Variants in LUZP2 observed in about 807,000 individuals in gnomAD.
The protein encoded by LUZP2 is leucine zipper protein 2.
A neutral mutation model predicts 51.6 loss-of-function variants in LUZP2; 52 were observed. The ratio of observed to expected loss-of-function variants is 1.01; its 90% CI spans 0.81 to 1.27. The LOEUF is 1.27. LUZP2 is among the 50% of genes most tolerant of loss of function. The pLI is 0.00. For synonymous variants in LUZP2, 154 were observed against 137.3 expected, an observed-to-expected ratio of 1.12 and a Z score of -0.85; for missense variants, 436 against 395.4, an observed-to-expected ratio of 1.10 and a Z score of -0.87.
At chr11:24,645,577 AAAAC>A (rs1312160679) in intron 1 of LUZP2, among the ~76,000 whole-genome samples, 2 of 152,156 alleles carry the variant, frequency 1.3e-5, no homozygotes, top group African/African-American at 2.4e-5. Flanking sequence ...TTTTGGTTCT[AAAAC>A]AAACAGAGGC....
intron 7 of LUZP2, among the ~76,000 whole-genome samples, chr11:24,934,168 G>A (rs747757625): frequency 6.6e-6 from 1 of 152,178 alleles, no homozygotes; most frequent in African/African-American, 2.4e-5. Flanking sequence ...GCAGGAACTG[G>A]CTATTTTCAC....
At chr11:24,773,848 A>C (rs11822795) in intron 5 of LUZP2, among the ~76,000 whole-genome samples, 1 of 152,064 alleles carries the variant, frequency 6.6e-6, no homozygotes, top group Non-Finnish European at 1.5e-5. Flanking sequence ...TCTCCCACTA[A>C]GGACTGTTAA....
chr11:24,782,768 A>T (rs2631394), intron 5 of LUZP2, among the ~76,000 whole-genome samples: 89,193 of 151,820 alleles, frequency 0.59, 26,984 homozygotes, highest in Non-Finnish European at 0.68. Context: ...ATAGCTCATC[A>T]AAAAGGAAAT....
chr11:25,077,789 C>T (rs140465896), intron 11 of LUZP2, among the ~76,000 whole-genome samples: 5 of 152,276 alleles, frequency 3.3e-5, no homozygotes, highest in African/African-American at 7.2e-5. Context: ...AGCCACCGCG[C>T]CCGACCAGAT....
At chr11:24,540,995 G>A (rs1177966127) in intron 1 of LUZP2, among the ~76,000 whole-genome samples, 1 of 152,064 alleles carries the variant, frequency 6.6e-6, no homozygotes, top group Non-Finnish European at 1.5e-5. Flanking sequence ...GTTCACCTCT[G>A]TAATCCCAGC....
chr11:24,748,690 C>A (rs1252916773), intron 4 of LUZP2, among the ~76,000 whole-genome samples: 4 of 152,114 alleles, frequency 2.6e-5, no homozygotes, highest in South Asian at 2.1e-4. Context: ...ATCTCTTGAC[C>A]TCATGATCTG....
chr11:24,994,166 T>G (rs981608652), intron 9 of LUZP2, among the ~76,000 whole-genome samples: 14 of 151,430 alleles, frequency 9.2e-5, no homozygotes, highest in Admixed American at 9.2e-4. Flanking sequence ...GCCCTTTTTT[T>G]TTTTTTTTTT....
intron 1 of LUZP2, among the ~76,000 whole-genome samples, chr11:24,587,633 G>T (rs1415823400): frequency 6.6e-6 from 1 of 151,980 alleles, no homozygotes; most frequent in Non-Finnish European, 1.5e-5. Flanking sequence ...GAGTTATTTT[G>T]AAAACTCAAA....
At chr11:24,917,690 C>T (rs1194763494) in intron 7 of LUZP2, among the ~76,000 whole-genome samples, 2 of 151,434 alleles carry the variant, frequency 1.3e-5, no homozygotes, top group Non-Finnish European at 2.9e-5. Context: ...TTCCATTGGT[C>T]TATATCTCTG....
chr11:25,066,619 G>A (rs573757669), intron 10 of LUZP2, among the ~76,000 whole-genome samples: 7 of 151,856 alleles, frequency 4.6e-5, no homozygotes, highest in Admixed American at 6.6e-5. Flanking sequence ...TATTTGTGTG[G>A]GGGAGATATT....
At chr11:24,742,168 A>G (rs1012469536) in intron 4 of LUZP2, among the ~76,000 whole-genome samples, 1 of 150,002 alleles carries the variant, frequency 6.7e-6, no homozygotes, top group African/African-American at 2.5e-5. Flanking sequence ...ATATAAGTGT[A>G]CAAGTATCTT....
At chr11:24,684,960 G>A (rs988649303) in intron 1 of LUZP2, among the ~76,000 whole-genome samples, 7 of 152,024 alleles carry the variant, frequency 4.6e-5, no homozygotes, top group African/African-American at 1.7e-4. Context: ...GGATGCTTAT[G>A]TGTTTCTCTT....
intron 1 of LUZP2, among the ~76,000 whole-genome samples, chr11:24,602,182 A>G (rs1461384125): frequency 8.1e-6 from 1 of 122,760 alleles, no homozygotes; most frequent in African/African-American, 2.8e-5. Context: ...ATATATGTGT[A>G]TATATGTATA....
chr11:24,713,574 C>T (rs1590385851), intron 1 of LUZP2, among the ~76,000 whole-genome samples: 1 of 151,788 alleles, frequency 6.6e-6, no homozygotes, highest in East Asian at 2.0e-4. Flanking sequence ...GACACGGTGG[C>T]TCACCCTGCA....
At chr11:24,865,744 GTATATA>G (rs1214916107) in intron 5 of LUZP2, among the ~76,000 whole-genome samples, 3 of 150,334 alleles carry the variant, frequency 2.0e-5, no homozygotes, top group African/African-American at 7.4e-5. Context: ...GTGTGTGTGT[GTATATA>G]TATTTATATG....
chr11:24,890,794 T>C (rs1852827261), intron 5 of LUZP2: 2 of 501,008 alleles, frequency 4.0e-6, no homozygotes, highest in Admixed American at 6.4e-5. Flanking sequence ...AGAAAATACA[T>C]ATGTACATAT....
chr11:24,949,346 A>G (rs909225815), intron 7 of LUZP2, among the ~76,000 whole-genome samples: 2 of 150,204 alleles, frequency 1.3e-5, no homozygotes, highest in African/African-American at 2.4e-5. Context: ...CTATCTATCT[A>G]TGATCTAAAT....
chr11:24,769,544 A>G, intron 5 of LUZP2, among the ~76,000 whole-genome samples: 1 of 149,548 alleles, frequency 6.7e-6, no homozygotes, highest in South Asian at 2.1e-4. Context: ...ATAAAACAAA[A>G]ATAACTTAAA....
intron 9 of LUZP2, among the ~76,000 whole-genome samples, chr11:25,030,979 TATAATAC>T (rs1157570579): frequency 1.1e-4 from 1 of 8,938 alleles, no homozygotes; most frequent in Non-Finnish European, 1.6e-4. Context: ...ATTATATATA[TATAATAC>T]AATATATATT....
Sources: allele counts gnomAD v4.1 joint callset (sites outside exome capture counted in the v4.1 genomes callset), GRCh38; gene constraint gnomAD v4.1.1; transcripts MANE v1.5; gene names NCBI Gene and HGNC (gene_info 2026-07-23, HGNC 2026-07-21).